Variants in JMJD1C observed in about 807,000 individuals in gnomAD.
JMJD1C encodes the protein jumonji domain-containing protein 1C.
In JMJD1C, 31 loss-of-function variants were observed where a neutral mutation model predicts 245.3. The ratio of observed to expected loss-of-function variants is 0.13; its 90% CI spans 0.09 to 0.17. The LOEUF (loss-of-function observed/expected upper bound fraction) is 0.17, where lower values mean the gene tolerates loss of function less well. JMJD1C is among the 10% of genes least tolerant of loss of function. JMJD1C has a pLI of 1.00. For missense variants in JMJD1C, 2,691 were observed against 3,000.2 expected (o/e 0.90, Z 2.41); for synonymous variants, 1,057 against 1,017.4 (o/e 1.04, Z -0.74).
chr10:63,348,621 T>C (rs1238676858), intron 2 of JMJD1C, among the ~76,000 whole-genome samples: 1 of 152,170 alleles, frequency 6.6e-6, no homozygotes, highest in African/African-American at 2.4e-5. Flanking sequence ...GATAAATTCA[T>C]ACAAAGGTGA....
chr10:63,467,006 A>G (rs1211086328), upstream of JMJD1C, among the ~76,000 whole-genome samples: 2 of 121,054 alleles, frequency 1.7e-5, no homozygotes, highest in African/African-American at 2.7e-5. Flanking sequence ...CTGAACCTCT[A>G]TTTAAAAAAA....
At chr10:63,289,646 G>A (rs1371685098) in intron 2 of JMJD1C, among the ~76,000 whole-genome samples, 1 of 152,050 alleles carries the variant, frequency 6.6e-6, no homozygotes, top group Non-Finnish European at 1.5e-5. Context: ...TAAATAAAGC[G>A]CCAAGAAAAT....
Position 63,207,191 on chromosome 10 carries a change from T to C in JMJD1C, c.4478A>G (p.Gln1493Arg), listed in dbSNP as rs781636204. The C allele has an allele frequency of 6.2e-7, 1 of 1,614,176 alleles. No homozygotes were observed. Among genetic ancestry groups the C allele is most frequent in the South Asian group, 1.1e-5 (1 of 91,082 alleles). Residue 1493 changes from glutamine to arginine, a missense_variant, in exon 10 of 26, where the codon CAG (glutamine) becomes CGG (arginine). Gln to Arg is a conservative substitution (Grantham distance 43). Around this residue, in one of 9 missense-constraint regions of JMJD1C, gnomAD observed 1,562 missense variants for 1,490.7 expected, o/e 1.05. Coordinates refer to ENST00000399262, the MANE Select transcript of JMJD1C (RefSeq NM_032776.3). ...KKHKAALAAA[Q>R]YKSSNASETE... ...CTCACTGGCATTACTACTTTTATAC[T>C]GAGCTGCAGCCAATGCTGCCTTGTG...
chr10:63,336,218 G>C (rs1942715385), intron 2 of JMJD1C, among the ~76,000 whole-genome samples: 1 of 151,604 alleles, frequency 6.6e-6, no homozygotes, highest in Non-Finnish European at 1.5e-5. Context: ...TCAGCACTTT[G>C]GGAGGCCGAA....
intron 1 of JMJD1C, among the ~76,000 whole-genome samples, chr10:63,443,957 A>G (rs1013243345): frequency 1.3e-5 from 2 of 152,258 alleles, no homozygotes; most frequent in African/African-American, 4.8e-5. Flanking sequence ...ATACAGTAGT[A>G]TGAATCAACC....
chr10:63,487,550 A>G (rs1366049575), intron 1 of JMJD1C, among the ~76,000 whole-genome samples: 1 of 152,244 alleles, frequency 6.6e-6, no homozygotes, highest in Non-Finnish European at 1.5e-5. Flanking sequence ...TGATGCTGAG[A>G]AACACTGACT....
At chr10:63,465,283 C>T (rs1953134566) in intron 1 of JMJD1C, 1 of 583,740 alleles carries the variant, frequency 1.7e-6, no homozygotes, top group Non-Finnish European at 3.0e-6. Context: ...TCCCGGGAGT[C>T]CTGCTCCGAC....
At chr10:63,338,538 G>C (rs1228181737) in intron 2 of JMJD1C, among the ~76,000 whole-genome samples, 2 of 151,748 alleles carry the variant, frequency 1.3e-5, no homozygotes, top group Admixed American at 1.3e-4. Context: ...CCTAGATATA[G>C]TGGCATCATT....
chr10:63,217,462 T>C (rs1460429476), intron 4 of JMJD1C, 131 bp from the exon 5 acceptor site: 8 of 645,358 alleles, frequency 1.2e-5, no homozygotes, highest in Middle Eastern at 4.3e-4. Context: ...AAAAATGTTT[T>C]AGAAGTAAAT....
At chr10:63,185,987 A>G (rs1844087497) in intron 19 of JMJD1C, among the ~76,000 whole-genome samples, 1 of 152,216 alleles carries the variant, frequency 6.6e-6, no homozygotes, top group African/African-American at 2.4e-5. Flanking sequence ...GGAACTGCCA[A>G]ACATTTCTCC....
At position 63,207,993 on chromosome 10, in the gene JMJD1C, T is replaced by A; in HGVS notation, c.3676A>T (p.Ser1226Cys). 1 of 1,614,180 alleles carries A rather than the reference T, an allele frequency of 6.2e-7. No homozygotes were observed. Among genetic ancestry groups the A allele is most frequent in the Non-Finnish European group, 8.5e-7 (1 of 1,180,010 alleles). Residue 1226 changes from serine to cysteine, a missense_variant, in exon 10 of 26, where the codon AGT becomes TGT. Physicochemically the swap from Ser to Cys is moderately radical, Grantham distance 112. Around this residue, in one of 9 missense-constraint regions of JMJD1C, gnomAD observed 1,562 missense variants for 1,490.7 expected, o/e 1.05. Transcript: ENST00000399262. Reference protein sequence around the residue: ...SLERKEGSYSSLSPPTLTPVM... With the variant: ...SLERKEGSYSCLSPPTLTPVM... ...GGAGTTAAAGTTGGAGGGGAAAGACTACTATAGCTGCCTTCCTTTCTTTCC... is the reference window on the plus strand; with the variant it reads ...GGAGTTAAAGTTGGAGGGGAAAGACAACTATAGCTGCCTTCCTTTCTTTCC...
At chr10:63,470,346 C>T (rs1953451788), upstream of JMJD1C, among the ~76,000 whole-genome samples, 1 of 152,136 alleles carries the variant, frequency 6.6e-6, no homozygotes, top group Non-Finnish European at 1.5e-5. Context: ...CTTAGAATCT[C>T]GGACATAAAT....
chr10:63,252,226 A>G (rs1853188106), intron 3 of JMJD1C, among the ~76,000 whole-genome samples: 1 of 152,236 alleles, frequency 6.6e-6, no homozygotes, highest in African/African-American at 2.4e-5. Flanking sequence ...TCAAATATGA[A>G]TAACAGCCAT....
chr10:63,485,469 T>TCC (rs1383477048), intron 1 of JMJD1C, among the ~76,000 whole-genome samples: 2 of 152,170 alleles, frequency 1.3e-5, no homozygotes, highest in East Asian at 3.8e-4. Flanking sequence ...AGATCCCCTC[T>TCC]CCCCTTCAAT....
intron 1 of JMJD1C, among the ~76,000 whole-genome samples, chr10:63,455,689 G>A (rs1053792118): frequency 4.0e-5 from 6 of 151,488 alleles, no homozygotes; most frequent in African/African-American, 1.5e-4. Context: ...TAATTTTCTG[G>A]CCTATGAAAT....
chr10:63,472,929 C>T (rs1412095378), intron 1 of JMJD1C, among the ~76,000 whole-genome samples: 2 of 151,930 alleles, frequency 1.3e-5, no homozygotes, highest in Non-Finnish European at 1.5e-5. Context: ...GGACTACAGG[C>T]GAGCGCCACC....
At chr10:63,456,038 T>C (rs748534768) in intron 1 of JMJD1C, among the ~76,000 whole-genome samples, 4 of 152,152 alleles carry the variant, frequency 2.6e-5, no homozygotes, top group Non-Finnish European at 5.9e-5. Flanking sequence ...TATAACTATG[T>C]GTATATGTTT....
intron 1 of JMJD1C, among the ~76,000 whole-genome samples, chr10:63,460,969 A>C (rs557183028): frequency 6.6e-6 from 1 of 152,196 alleles, no homozygotes; most frequent in Non-Finnish European, 1.5e-5. Flanking sequence ...CCCTATTTAA[A>C]ATATGTGCCA....
In JMJD1C at chr10:63,318,576, C is replaced by A. The variant is rs555973160; in HGVS notation, c.334-53812G>T. On this transcript the variant is annotated intron_variant, in intron 2 of 25. Coordinates refer to ENST00000399262, the MANE Select transcript of JMJD1C (RefSeq NM_032776.3). ...CTCCTTTAAATATTCTGTTACTGGT[C>A]CAAAAATATACGAACTGATAATAAC... Among the ~76,000 whole-genome samples the A allele has an allele frequency of 8.8e-4, 133 of 151,932 alleles. 1 individual carries two copies. Among genetic ancestry groups the A allele is most frequent in the Non-Finnish European group, 1.5e-3 (99 of 68,028 alleles).
Sources: gnomAD v4.1 joint callset for allele counts (sites outside exome capture counted in the v4.1 genomes callset) on GRCh38, gnomAD v4.1.1 for gene constraint, gnomAD v4.1.1 regional missense constraint, MANE v1.5 for transcripts, NCBI Gene and HGNC (gene_info 2026-07-23, HGNC 2026-07-21) for gene names.